The following AMOT variants were observed in gnomAD, a reference collection of about 807,000 sequenced individuals.
AMOT encodes the protein angiomotin.
A neutral mutation model predicts 67.0 loss-of-function variants in AMOT; 11 were observed. That is an observed-to-expected ratio of 0.16 (90% CI 0.10 to 0.27). The LOEUF is 0.27. Ranked by LOEUF, AMOT falls within the 10% of genes least tolerant of loss-of-function variation. AMOT has a pLI of 1.00. For synonymous variants in AMOT, 326 were observed against 321.4 expected, an observed-to-expected ratio of 1.01 and a Z score of -0.15; for missense variants, 753 against 852.0, an observed-to-expected ratio of 0.88 and a Z score of 1.45.
chrX:112,836,307 C>T (rs894588686), intron 1 of AMOT, among the ~76,000 whole-genome samples: 2 of 111,477 alleles, frequency 1.8e-5, no homozygotes, highest in African/African-American at 6.5e-5. Context: ...AACAGGAGGT[C>T]AAAGGAATTA....
At chrX:112,834,666 G>T (rs967800273) in intron 1 of AMOT, among the ~76,000 whole-genome samples, 1 of 112,760 alleles carries the variant, frequency 8.9e-6, no homozygotes, top group Admixed American at 9.3e-5. Flanking sequence ...CACTACAATG[G>T]CTGGGTTTCA....
At chrX:112,784,466 G>C (rs1412619646) in intron 10 of AMOT, among the ~76,000 whole-genome samples, 1 of 112,230 alleles carries the variant, frequency 8.9e-6, no homozygotes, top group Non-Finnish European at 1.9e-5. Flanking sequence ...TATTAAGAGA[G>C]AACCACATAA....
At position 112,800,050 on chromosome X, in the gene AMOT, T is replaced by C. The variant is rs150527621; in HGVS notation, c.1776+4897A>G. Among the ~76,000 whole-genome samples, 834 of 110,588 alleles carry C rather than the reference T, an allele frequency of 7.5e-3. 6 individuals are homozygous for C. Among genetic ancestry groups the C allele is most frequent in the African/African-American group, 0.026 (798 of 30,351 alleles). On this transcript the variant is annotated intron_variant, in intron 8 of 13. Transcript: ENST00000371959. Reference sequence around the variant, plus strand: ...GAGTTCGAGAACAGCCTGGCCAACATGGTGAAACTCCGTCTTACTAAATAC... The same window carrying C: ...GAGTTCGAGAACAGCCTGGCCAACACGGTGAAACTCCGTCTTACTAAATAC...
intron 8 of AMOT, among the ~76,000 whole-genome samples, chrX:112,804,585 T>C (rs775972201): frequency 9.0e-6 from 1 of 111,704 alleles, no homozygotes; most frequent in African/African-American, 3.3e-5. Context: ...TCTATACATA[T>C]ACATATCTAT....
At chrX:112,825,948 C>G (rs1462555415) in intron 2 of AMOT, among the ~76,000 whole-genome samples, 2 of 108,818 alleles carry the variant, frequency 1.8e-5, no homozygotes, top group East Asian at 5.9e-4. Flanking sequence ...CAACCCTTCT[C>G]CAAGCAGAAG....
At chrX:112,831,444 G>GCAAT in intron 2 of AMOT, among the ~76,000 whole-genome samples, 1 of 83,626 alleles carries the variant, frequency 1.2e-5, no homozygotes, top group South Asian at 5.6e-4. Context: ...GCCTAGGGTG[G>GCAAT]CAATAAATAA....
At chrX:112,814,285 A>G in intron 5 of AMOT, among the ~76,000 whole-genome samples, 1 of 110,538 alleles carries the variant, frequency 9.0e-6, no homozygotes, top group Admixed American at 9.5e-5. Flanking sequence ...AAAAAAAAAA[A>G]AAGAAAGAAA....
chrX:112,838,356 G>A (rs935472759), intron 1 of AMOT, among the ~76,000 whole-genome samples: 6 of 112,032 alleles, frequency 5.4e-5, no homozygotes, highest in African/African-American at 2.0e-4. Context: ...AAGAAGGGCC[G>A]CTTAATTACA....
intron 2 of AMOT, among the ~76,000 whole-genome samples, chrX:112,829,538 T>A (rs1934933321): frequency 8.9e-6 from 1 of 112,007 alleles, no homozygotes; most frequent in Non-Finnish European, 1.9e-5. Context: ...CTCCGGTACT[T>A]CTTTATAGCA....
At chrX:112,840,083 GA>G (rs1370760606) in intron 1 of AMOT, among the ~76,000 whole-genome samples, 4 of 111,576 alleles carry the variant, frequency 3.6e-5, no homozygotes, top group African/African-American at 1.3e-4. Flanking sequence ...AGTTATCTGA[GA>G]TAAGCACTGA....
intron 10 of AMOT, among the ~76,000 whole-genome samples, chrX:112,786,172 G>A (rs1306461657): frequency 8.9e-6 from 1 of 112,018 alleles, no homozygotes; most frequent in Non-Finnish European, 1.9e-5. Context: ...AGCAGAGGAA[G>A]GAAATTGAGA....
At chrX:112,779,803 A>G (rs1933078800) in intron 12 of AMOT, 123 bp from the exon 13 acceptor site, 1 of 267,778 alleles carries the variant, frequency 3.7e-6, no homozygotes, top group East Asian at 6.7e-5. Context: ...AGTAAATATT[A>G]TTTAAATATT....
intron 8 of AMOT, among the ~76,000 whole-genome samples, chrX:112,797,914 A>G (rs755380969): frequency 1.8e-5 from 2 of 111,543 alleles, no homozygotes; most frequent in African/African-American, 6.5e-5. Flanking sequence ...GAAAGAAAGA[A>G]AGAAAGAAAA....
chrX:112,781,259 G>T, intron 11 of AMOT, 141 bp from the exon 12 acceptor site: 1 of 513,958 alleles, frequency 1.9e-6, no homozygotes, highest in Non-Finnish European at 3.2e-6. Context: ...GGCCAACATG[G>T]TGAAACCCTG....
intron 9 of AMOT, among the ~76,000 whole-genome samples, chrX:112,791,345 C>T (rs111266245): frequency 0.05 from 5,562 of 110,673 alleles, 110 homozygotes; most frequent in Middle Eastern, 0.079. Context: ...GCTTGGATCA[C>T]GCCACTGCAC....
intron 10 of AMOT, among the ~76,000 whole-genome samples, chrX:112,788,214 G>A (rs1484820667): frequency 2.7e-5 from 3 of 109,361 alleles, no homozygotes; most frequent in Non-Finnish European, 5.7e-5. Context: ...GCATGAACCC[G>A]GGAGGCGGAG....
chrX:112,779,577 G>A lies in AMOT; in HGVS notation c.2577C>T (p.Ser859=), dbSNP rs1447806434. 1 of 1,211,336 alleles carries A rather than the reference G, an allele frequency of 8.3e-7. No individual in the cohort carries two copies. The highest frequency in any genetic ancestry group is 1.7e-5 in the African/African-American group (1 of 57,663). Residue 859 remains serine, a synonymous_variant, in exon 13 of 14, where the codon AGC becomes AGT. Transcript: ENST00000371959. ...PLLSAHSKTG[S]RDCSTQTERG... ...GTTCAGTTTGGGTACTGCAGTCTCG[G>A]CTGCCTGTCTTGGAGTGAGCCGAGA... is the stretch of plus-strand genomic sequence containing the variant.
chrX:112,836,029 TTTTA>T (rs1935123546), intron 1 of AMOT, among the ~76,000 whole-genome samples: 1 of 112,440 alleles, frequency 8.9e-6, no homozygotes, highest in Non-Finnish European at 1.9e-5. Context: ...ACTTCTTGTC[TTTTA>T]TTTAACTGTC....
chrX:112,790,250 C>T (rs773018075), intron 10 of AMOT, among the ~76,000 whole-genome samples: 2 of 108,524 alleles, frequency 1.8e-5, no homozygotes, highest in Non-Finnish European at 3.8e-5. Context: ...GCTTTCACTC[C>T]GGTCCTGGGG....
Sources: gnomAD v4.1 joint callset for allele counts (sites outside exome capture counted in the v4.1 genomes callset) on GRCh38, gnomAD v4.1.1 for gene constraint, MANE v1.5 for transcripts, NCBI Gene and HGNC (gene_info 2026-07-23, HGNC 2026-07-21) for gene names.